The following KHDRBS2 variants were observed in gnomAD, a reference collection of about 807,000 sequenced individuals.
KHDRBS2 encodes the protein KH RNA binding domain containing, signal transduction associated 2.
Under a neutral mutation model 44.3 loss-of-function variants are expected in KHDRBS2, and 26 were observed. The observed-to-expected ratio is 0.59, with a 90% confidence interval of 0.43 to 0.81. KHDRBS2 has a LOEUF of 0.81. KHDRBS2 is among the 40% of genes least tolerant of loss of function. The pLI, the probability that KHDRBS2 is intolerant of heterozygous loss-of-function variation, is 0.00. For missense variants in KHDRBS2, 476 were observed against 433.1 expected (o/e 1.10, Z -0.88); for synonymous variants, 194 against 151.1 (o/e 1.28, Z -2.08).
At chr6:61,957,710 C>T (rs1425817418) in intron 4 of KHDRBS2, among the ~76,000 whole-genome samples, 1 of 152,130 alleles carries the variant, frequency 6.6e-6, no homozygotes, top group Non-Finnish European at 1.5e-5. Context: ...TCTAATTTTG[C>T]CCCAGTCCTA....
the KHDRBS2 span, among the ~76,000 whole-genome samples, chr6:61,586,035 T>C: frequency 6.6e-6 from 1 of 152,140 alleles, no homozygotes; most frequent in Admixed American, 6.6e-5. Context: ...AACACTGAGA[T>C]AACACTGAAA....
chr6:61,672,894 T>C, the KHDRBS2 span, among the ~76,000 whole-genome samples: 2 of 152,022 alleles, frequency 1.3e-5, no homozygotes, highest in Non-Finnish European at 2.9e-5. Flanking sequence ...CCATTGCTTT[T>C]GGTGTTTTAG....
At chr6:61,596,362 T>A in the KHDRBS2 span, among the ~76,000 whole-genome samples, 1 of 152,354 alleles carries the variant, frequency 6.6e-6, no homozygotes, top group African/African-American at 2.4e-5. Context: ...CTGAAAATTC[T>A]AAAGACATTT....
chr6:61,570,189 A>G, the KHDRBS2 span, among the ~76,000 whole-genome samples: 1 of 152,180 alleles, frequency 6.6e-6, no homozygotes, highest in Non-Finnish European at 1.5e-5. Flanking sequence ...AATACAGGAT[A>G]TGGATGAAAA....
chr6:62,145,861 A>G (rs1426889573), intron 2 of KHDRBS2, among the ~76,000 whole-genome samples: 1 of 151,930 alleles, frequency 6.6e-6, no homozygotes, highest in African/African-American at 2.4e-5. Context: ...AAAATTATCT[A>G]AAATATTGTA....
intron 1 of KHDRBS2, among the ~76,000 whole-genome samples, chr6:62,201,603 C>T (rs1563054830): frequency 6.6e-6 from 1 of 151,992 alleles, no homozygotes; most frequent in African/African-American, 2.4e-5. Context: ...AAAATACATG[C>T]TTCTTACAAA....
At chr6:62,098,633 G>T (rs1051128170) in intron 2 of KHDRBS2, among the ~76,000 whole-genome samples, 1 of 152,090 alleles carries the variant, frequency 6.6e-6, no homozygotes, top group Non-Finnish European at 1.5e-5. Flanking sequence ...ACACTCATTT[G>T]AGTTTAATCT....
the KHDRBS2 span, among the ~76,000 whole-genome samples, chr6:61,576,882 C>A: frequency 6.6e-6 from 1 of 152,140 alleles, no homozygotes; most frequent in Non-Finnish European, 1.5e-5. Context: ...TGTCTAATTT[C>A]ACCTTTGGAG....
intron 3 of KHDRBS2, among the ~76,000 whole-genome samples, chr6:62,020,436 G>T (rs1782048167): frequency 2.6e-5 from 4 of 151,908 alleles, no homozygotes; most frequent in Admixed American, 1.3e-4. Context: ...GGAGTGTGGG[G>T]TATTGTCTAT....
At chr6:61,731,678 T>C (rs1203067623) in intron 7 of KHDRBS2, among the ~76,000 whole-genome samples, 3 of 152,094 alleles carry the variant, frequency 2.0e-5, no homozygotes, top group African/African-American at 4.8e-5. Context: ...ATCAATGCTA[T>C]AATGATTTTG....
chr6:61,555,546 G>A, the KHDRBS2 span, among the ~76,000 whole-genome samples: 1 of 152,064 alleles, frequency 6.6e-6, no homozygotes, highest in Admixed American at 6.5e-5. Flanking sequence ...AAATTGTTGG[G>A]GAACTTGTGT....
intron 1 of KHDRBS2, among the ~76,000 whole-genome samples, chr6:62,197,325 C>G (rs1007971224): frequency 1.3e-5 from 2 of 151,936 alleles, no homozygotes; most frequent in Non-Finnish European, 2.9e-5. Context: ...ACAGATCAAA[C>G]AATATTTGTG....
chr6:62,257,046 AG>A (rs977822624), intron 1 of KHDRBS2, among the ~76,000 whole-genome samples: 2 of 152,090 alleles, frequency 1.3e-5, no homozygotes, highest in Non-Finnish European at 2.9e-5. Context: ...TAAACATATT[AG>A]GTCAAATGTA....
intron 1 of KHDRBS2, among the ~76,000 whole-genome samples, chr6:62,223,363 A>T (rs1831217360): frequency 6.6e-6 from 1 of 152,160 alleles, no homozygotes; most frequent in African/African-American, 2.4e-5. Context: ...GGCTGCACAC[A>T]GGTTGGGGAC....
At chr6:61,559,461 A>T in the KHDRBS2 span, among the ~76,000 whole-genome samples, 1 of 151,388 alleles carries the variant, frequency 6.6e-6, no homozygotes, top group Non-Finnish European at 1.5e-5. Context: ...CAATTTTGTC[A>T]TTTGTTTTCT....
chr6:61,651,025 T>C, the KHDRBS2 span, among the ~76,000 whole-genome samples: 7 of 152,098 alleles, frequency 4.6e-5, no homozygotes, highest in Non-Finnish European at 1.0e-4. Flanking sequence ...TAATGGAAAT[T>C]CAACCATTCT....
At chr6:61,569,071 T>C in the KHDRBS2 span, among the ~76,000 whole-genome samples, 1 of 95,602 alleles carries the variant, frequency 1.0e-5, no homozygotes, top group Non-Finnish European at 2.3e-5. Context: ...TGGGGCACTG[T>C]GGGAGTGAGA....
rs70996208 is a variant in KHDRBS2 at position 62,194,480 on chromosome 6, C to CTTT, written c.92-17171_92-17169dup. ...CACTTTCTTTTCTTTTCTTTTCTTC[C>CTTT]TTTTTTTTTTTTTTTTTTTTTTTTT... On this transcript the variant is annotated intron_variant, in intron 1 of 8. Coordinates refer to ENST00000281156, the MANE Select transcript of KHDRBS2 (RefSeq NM_152688.4). Among the ~76,000 whole-genome samples the CTTT allele has an allele frequency of 3.8e-3, 262 of 69,742 alleles. 18 individuals are homozygous for CTTT. Among genetic ancestry groups the CTTT allele is most frequent in the Non-Finnish European group, 4.9e-3 (195 of 39,764 alleles). The allele number at this position is 69,742 out of a possible 152,430, so 45.8% of individuals were successfully genotyped here. A position where few individuals can be genotyped will look rare whatever the true frequency, so the allele number is the denominator to read the frequency against.
At chr6:61,723,546 C>T (rs1253887924) in intron 7 of KHDRBS2, among the ~76,000 whole-genome samples, 1 of 151,640 alleles carries the variant, frequency 6.6e-6, no homozygotes, top group Non-Finnish European at 1.5e-5. Flanking sequence ...AAGACTCCAT[C>T]TCAAAAACAA....
Sources: allele counts gnomAD v4.1 joint callset (sites outside exome capture counted in the v4.1 genomes callset), GRCh38; gene constraint gnomAD v4.1.1; transcripts MANE v1.5; gene names NCBI Gene and HGNC (gene_info 2026-07-23, HGNC 2026-07-21).